The following RAVER2 variants were observed in gnomAD, a reference collection of about 807,000 sequenced individuals.
RAVER2 encodes ribonucleoprotein, PTB binding 2.
RAVER2 carries 46 observed loss-of-function variants against 78.1 expected under a neutral mutation model. The ratio of observed to expected loss-of-function variants is 0.59; its 90% CI spans 0.46 to 0.75. The LOEUF is 0.75. RAVER2 is among the 30% of genes least tolerant of loss of function. RAVER2 has a pLI of 0.00. For synonymous variants in RAVER2, 311 were observed against 313.3 expected (o/e 0.99, Z 0.08); for missense variants, 793 against 837.5 (o/e 0.95, Z 0.66).
At chr1:64,770,816 T>C (rs1652295311) in intron 2 of RAVER2, among the ~76,000 whole-genome samples, 1 of 151,900 alleles carries the variant, frequency 6.6e-6, no homozygotes, top group Non-Finnish European at 1.5e-5. Context: ...TGGATAGGAT[T>C]AATGGCAGAA....
exon 12 of RAVER2, chr1:64,833,091 GTGTT>G (rs1553157355): frequency 1.6e-4 from 29 of 179,774 alleles, no homozygotes; most frequent in South Asian, 4.0e-4. Flanking sequence ...AAATCAAGTG[GTGTT>G]TGTTTGTTTG....
At position 64,781,567 on chromosome 1, in the gene RAVER2, G is replaced by A. The variant is rs778751401; in HGVS notation, c.974G>A (p.Arg325His). ...TTAGCAGCATTGATAGCGGCTCAAC[G>A]TGTGGTAAGTTTTTTCTCTTTCTGT... The change falls in exon 4 of 12, where the codon CGT (arginine) becomes CAT (histidine). Residue 325 changes from arginine (R) to histidine (H), a missense_variant. Physicochemically the swap from Arg to His is conservative, Grantham distance 29. Transcript: ENST00000294428. The A allele has an allele frequency of 8.1e-6, 13 of 1,607,478 alleles. No individual in the cohort carries two copies. The East Asian group carries it at 8.9e-5, about 11-fold the overall frequency.
rs564421925 is a variant in RAVER2 at position 64,773,959 on chromosome 1, G to T, written c.317-3664G>T. ...ATGATGAGCATTTTTTCATGTGTCT[G>T]TTGGCTGCATAAATGTCTTCTTTTG... On this transcript the variant is annotated intron_variant, in intron 2 of 11. Coordinates refer to ENST00000294428, the Ensembl canonical transcript of RAVER2. Among the ~76,000 whole-genome samples the T allele has an allele frequency of 7.2e-5, 11 of 152,248 alleles. No individual in the cohort carries two copies. In the South Asian group the frequency reaches 2.3e-3, roughly 32 times the overall value.
intron 4 of RAVER2, among the ~76,000 whole-genome samples, chr1:64,787,359 A>C (rs1221450499): frequency 1.3e-5 from 2 of 152,174 alleles, no homozygotes; most frequent in East Asian, 1.9e-4. Context: ...GGGCAGAGGG[A>C]AGCTAAAGCC....
At chr1:64,790,964 C>T (rs1203873330) in intron 5 of RAVER2, among the ~76,000 whole-genome samples, 1 of 152,178 alleles carries the variant, frequency 6.6e-6, no homozygotes, top group Non-Finnish European at 1.5e-5. Flanking sequence ...GGGGGATTCT[C>T]CAGGCCATGT....
At chr1:64,782,596 A>G (rs367959700) in intron 4 of RAVER2, among the ~76,000 whole-genome samples, 1 of 152,300 alleles carries the variant, frequency 6.6e-6, no homozygotes, top group East Asian at 1.9e-4. Flanking sequence ...CTTAAAATTT[A>G]ACTGCACATT....
At chr1:64,775,404 G>A (rs1652432945) in intron 2 of RAVER2, among the ~76,000 whole-genome samples, 1 of 152,312 alleles carries the variant, frequency 6.6e-6, no homozygotes, top group African/African-American at 2.4e-5. Context: ...TGTGAGCTCT[G>A]TGTTGAAAGG....
intron 1 of RAVER2, among the ~76,000 whole-genome samples, chr1:64,755,724 GTTTTTTT>G (rs753375050): frequency 1.3e-4 from 8 of 60,634 alleles, no homozygotes; most frequent in Admixed American, 4.5e-4. Context: ...ATGCTTCATA[GTTTTTTT>G]TTTTTTTTTT....
intron 1 of RAVER2, among the ~76,000 whole-genome samples, chr1:64,756,979 G>T (rs1311361853): frequency 2.6e-5 from 4 of 152,212 alleles, no homozygotes; most frequent in Non-Finnish European, 5.9e-5. Context: ...GGGGGTACAT[G>T]ACATTAACAT....
intron 11 of RAVER2, chr1:64,816,143 CTTTTA>C (rs1653751270): frequency 6.6e-6 from 1 of 151,774 alleles, no homozygotes; most frequent in Admixed American, 6.6e-5. Context: ...ATTTTTTGAA[CTTTTA>C]TTTCTTTTTA....
At chr1:64,751,306 T>C (rs1651691307) in intron 1 of RAVER2, among the ~76,000 whole-genome samples, 1 of 152,230 alleles carries the variant, frequency 6.6e-6, no homozygotes, top group Non-Finnish European at 1.5e-5. Flanking sequence ...CGACAACATC[T>C]AACAAAGCTC....
chr1:64,799,809 G>T (rs921592768), intron 5 of RAVER2, among the ~76,000 whole-genome samples: 7 of 152,012 alleles, frequency 4.6e-5, no homozygotes, highest in African/African-American at 7.2e-5. Context: ...TTCTATATTT[G>T]TTTTTTTGAG....
chr1:64,807,405 T>C, exon 9 of RAVER2: 1 of 1,614,122 alleles, frequency 6.2e-7, no homozygotes, highest in Non-Finnish European at 8.5e-7. Flanking sequence ...ACCTTGCTGC[T>C]GGAAGCTTGC....
In RAVER2 at chr1:64,807,494, A is replaced by C; in HGVS notation, c.1680+20A>C. The C allele has an allele frequency of 6.2e-7, 1 of 1,610,752 alleles. No homozygotes were observed. Among genetic ancestry groups the C allele is most frequent in the Non-Finnish European group, 8.5e-7 (1 of 1,177,756 alleles). ...TCAGGGGTAAGAAAACTGTGGGTGCACACAGATGTATATATACATGTATAT... is the reference window on the plus strand; with the variant it reads ...TCAGGGGTAAGAAAACTGTGGGTGCCCACAGATGTATATATACATGTATAT... On this transcript the variant is annotated intron_variant, in intron 9 of 11. Coordinates refer to ENST00000294428, the Ensembl canonical transcript of RAVER2.
In RAVER2 at chr1:64,745,098, G is replaced by A; in HGVS notation, c.-75G>A. The stretch of plus-strand genomic sequence containing the variant: ...GCCTCTGCCCGCCTCGCCCTCGCCC[G>A]GGCCTCCTCCCGCTTTCTCTCTCCG... On this transcript the variant is annotated 5_prime_UTR_variant, in exon 1 of 12. Transcript: ENST00000294428. The surrounding 1 kb of genome is among the most constrained non-coding windows in gnomAD (Gnocchi z 4.3). 9.9e-7 allele frequency: 1 copy of A among 1,005,660 alleles called. No individual in the cohort carries two copies. Among genetic ancestry groups the A allele is most frequent in the Non-Finnish European group, 1.2e-6 (1 of 844,092 alleles). The allele number at this position is 1,005,660 out of a possible 1,614,324, so 62.3% of individuals were successfully genotyped here.
At chr1:64,821,566 G>T (rs1254953050) in intron 11 of RAVER2, among the ~76,000 whole-genome samples, 1 of 152,156 alleles carries the variant, frequency 6.6e-6, no homozygotes, top group Admixed American at 6.5e-5. Context: ...AACTCTGTTG[G>T]AACAGGCACA....
chr1:64,774,717 T>A (rs1332946084), intron 2 of RAVER2, among the ~76,000 whole-genome samples: 1 of 152,176 alleles, frequency 6.6e-6, no homozygotes, highest in Non-Finnish European at 1.5e-5. Context: ...GTGAAGAAAG[T>A]CATTGGTAGT....
chr1:64,820,086 GT>G (rs978004116), intron 11 of RAVER2, among the ~76,000 whole-genome samples: 4 of 152,242 alleles, frequency 2.6e-5, no homozygotes, highest in African/African-American at 9.6e-5. Flanking sequence ...TGAAATTATG[GT>G]TTTGGGGTTA....
At chr1:64,788,791 CAAAAA>C (rs35159558) in intron 4 of RAVER2, among the ~76,000 whole-genome samples, 1 of 109,900 alleles carries the variant, frequency 9.1e-6, no homozygotes, top group Non-Finnish European at 2.0e-5. Flanking sequence ...GACTCCGTCT[CAAAAA>C]AAAAAAAAAA....
Sources: allele counts gnomAD v4.1 joint callset (sites outside exome capture counted in the v4.1 genomes callset), GRCh38; gene constraint gnomAD v4.1.1; non-coding constraint Gnocchi (gnomAD v3.1); transcripts MANE v1.5; gene names NCBI Gene and HGNC (gene_info 2026-07-23, HGNC 2026-07-21).